Variants in CPQ observed in about 807,000 individuals in gnomAD.
The protein encoded by CPQ is carboxypeptidase Q.
A neutral mutation model predicts 45.7 loss-of-function variants in CPQ; 37 were observed. That is an observed-to-expected ratio of 0.81 (90% confidence interval 0.62 to 1.07). The LOEUF is 1.07. Among genes scored for constraint, CPQ ranks in the 50% least tolerant of loss-of-function variants. The pLI is 0.00. For synonymous variants in CPQ, 186 were observed against 205.8 expected (o/e 0.90, Z 0.82); for missense variants, 537 against 572.9 (o/e 0.94, Z 0.64).
chr8:96,844,806 T>C (rs1380525509), intron 3 of CPQ, among the ~76,000 whole-genome samples: 1 of 152,214 alleles, frequency 6.6e-6, no homozygotes, highest in East Asian at 1.9e-4. Flanking sequence ...GGGTTCTGTT[T>C]ATCTCCCGAT....
At chr8:96,964,055 C>T (rs1813509865) in intron 4 of CPQ, among the ~76,000 whole-genome samples, 1 of 149,258 alleles carries the variant, frequency 6.7e-6, no homozygotes, top group African/African-American at 2.5e-5. Context: ...ACAGTTTATT[C>T]ATTCTATTGT....
chr8:96,660,329 C>T (rs557754025), intron 1 of CPQ, among the ~76,000 whole-genome samples: 1 of 152,278 alleles, frequency 6.6e-6, no homozygotes, highest in South Asian at 2.1e-4. Context: ...GTTTCCTCTT[C>T]TTATATGGAC....
intron 5 of CPQ, among the ~76,000 whole-genome samples, chr8:96,982,809 T>C (rs1419821152): frequency 6.6e-6 from 1 of 152,242 alleles, no homozygotes; most frequent in Admixed American, 6.5e-5. Flanking sequence ...CCACTATTAC[T>C]CCTTTGACAG....
intron 2 of CPQ, among the ~76,000 whole-genome samples, chr8:96,807,857 T>A (rs913579523): frequency 1.3e-5 from 2 of 152,186 alleles, no homozygotes; most frequent in Non-Finnish European, 2.9e-5. Flanking sequence ...AACAAAGTAC[T>A]GTATATCTGT....
intron 4 of CPQ, among the ~76,000 whole-genome samples, chr8:96,880,411 G>C (rs1812205054): frequency 6.6e-6 from 1 of 151,328 alleles, no homozygotes; most frequent in Non-Finnish European, 1.5e-5. Flanking sequence ...CTACTAAAAT[G>C]ATACCTGCAC....
At chr8:96,960,223 G>T (rs935273266) in intron 4 of CPQ, among the ~76,000 whole-genome samples, 46 of 152,130 alleles carry the variant, frequency 3.0e-4, no homozygotes, top group African/African-American at 1.1e-3. Context: ...ATATGCTTCT[G>T]GATTCAATTA....
intron 5 of CPQ, among the ~76,000 whole-genome samples, chr8:97,028,744 A>G (rs915953628): frequency 6.6e-6 from 1 of 152,232 alleles, no homozygotes; most frequent in Non-Finnish European, 1.5e-5. Flanking sequence ...TTTGTGTATC[A>G]CAAGTCAATA....
chr8:96,763,669 T>C (rs1810433493), intron 1 of CPQ, among the ~76,000 whole-genome samples: 1 of 151,970 alleles, frequency 6.6e-6, no homozygotes, highest in African/African-American at 2.4e-5. Flanking sequence ...ATCCAGAATA[T>C]ATAAAAAACT....
chr8:96,719,329 G>A (rs939084617), intron 1 of CPQ, among the ~76,000 whole-genome samples: 5 of 152,252 alleles, frequency 3.3e-5, no homozygotes, highest in East Asian at 3.8e-4. Context: ...ACTGGCCTGG[G>A]TGCTAAGTTC....
intron 3 of CPQ, among the ~76,000 whole-genome samples, chr8:96,841,324 A>T (rs1811605359): frequency 6.6e-6 from 1 of 152,162 alleles, no homozygotes. Flanking sequence ...TTAAAATTCT[A>T]GGCTGGCTTT....
chr8:97,094,031 T>A (rs1811170834), intron 7 of CPQ, among the ~76,000 whole-genome samples: 1 of 152,000 alleles, frequency 6.6e-6, no homozygotes, highest in Non-Finnish European at 1.5e-5. Context: ...TTCCTCCTTC[T>A]CTTGTCAAGG....
chr8:96,743,252 T>C (rs1479097163), intron 1 of CPQ, among the ~76,000 whole-genome samples: 3 of 152,150 alleles, frequency 2.0e-5, no homozygotes, highest in Admixed American at 6.5e-5. Flanking sequence ...ATACCCTTTC[T>C]TCCAGTTGAT....
At chr8:96,677,661 G>A (rs190011670) in intron 1 of CPQ, among the ~76,000 whole-genome samples, 2 of 152,180 alleles carry the variant, frequency 1.3e-5, no homozygotes, top group Non-Finnish European at 2.9e-5. Context: ...CTGTGCAGAA[G>A]CTTTTTAGTT....
At chr8:96,756,141 A>G (rs940720078) in intron 1 of CPQ, among the ~76,000 whole-genome samples, 1 of 152,114 alleles carries the variant, frequency 6.6e-6, no homozygotes, top group East Asian at 1.9e-4. Context: ...AGTAAGGCTC[A>G]AGTTATTTAT....
intron 2 of CPQ, among the ~76,000 whole-genome samples, chr8:96,811,140 A>G (rs1368375761): frequency 6.6e-6 from 1 of 152,204 alleles, no homozygotes; most frequent in Admixed American, 6.5e-5. Flanking sequence ...TTGGAACTTC[A>G]TAAGAATCAA....
intron 6 of CPQ, among the ~76,000 whole-genome samples, chr8:97,044,898 G>C (rs2130496611): frequency 6.6e-6 from 1 of 152,276 alleles, no homozygotes; most frequent in South Asian, 2.1e-4. Context: ...GCCCCTACTG[G>C]GGGGTGCCTC....
intron 1 of CPQ, among the ~76,000 whole-genome samples, chr8:96,678,260 G>T (rs763281640): frequency 6.6e-5 from 10 of 152,058 alleles, no homozygotes; most frequent in Non-Finnish European, 1.5e-4. Context: ...ATTGCTTTGG[G>T]CAGTATGGTC....
intron 1 of CPQ, among the ~76,000 whole-genome samples, chr8:96,724,490 GACACACACACACACACACAC>G (rs146087978): frequency 2.1e-5 from 3 of 144,690 alleles, no homozygotes; most frequent in Non-Finnish European, 3.1e-5. Context: ...ATTTAGAGTA[GACACACACACACACACACAC>G]ACACACACAC....
At chr8:96,978,794 T>C (rs2130384938) in intron 5 of CPQ, among the ~76,000 whole-genome samples, 1 of 152,232 alleles carries the variant, frequency 6.6e-6, no homozygotes, top group East Asian at 1.9e-4. Context: ...CACCCAAGAA[T>C]GGAATACATA....
Sources: gnomAD v4.1 joint callset for allele counts (sites outside exome capture counted in the v4.1 genomes callset) on GRCh38, gnomAD v4.1.1 for gene constraint, MANE v1.5 for transcripts, NCBI Gene and HGNC (gene_info 2026-07-23, HGNC 2026-07-21) for gene names.